Variants in TOX2 observed in about 807,000 individuals in gnomAD.
The protein encoded by TOX2 is granulosa cell HMG box 1.
TOX2 carries 15 observed loss-of-function variants against 47.4 expected under a neutral mutation model. The observed-to-expected ratio is 0.32, with a 90% CI of 0.21 to 0.49. TOX2 has a LOEUF of 0.49. TOX2 is among the 20% of genes least tolerant of loss of function. The probability of loss-of-function intolerance (pLI) is 0.99; values close to 1 mark genes in which losing one functional copy is unlikely to be tolerated. For missense variants in TOX2, 622 were observed against 673.1 expected (o/e 0.92, Z 0.84); for synonymous variants, 290 against 296.6 (o/e 0.98, Z 0.23).
intron 3 of TOX2, among the ~76,000 whole-genome samples, chr20:44,013,595 A>G (rs923291500): frequency 2.0e-5 from 3 of 152,236 alleles, no homozygotes; most frequent in Admixed American, 6.5e-5. Context: ...TTTGCTGTGT[A>G]ACAAACTACC....
intron 2 of TOX2, among the ~76,000 whole-genome samples, chr20:43,974,955 C>A (rs764599346): frequency 6.6e-6 from 1 of 152,280 alleles, no homozygotes; most frequent in Admixed American, 6.5e-5. Context: ...CGCCAACATG[C>A]AAGACTGGTG....
At chr20:44,000,593 G>A (rs762194093) in intron 2 of TOX2, among the ~76,000 whole-genome samples, 3 of 152,154 alleles carry the variant, frequency 2.0e-5, no homozygotes, top group Non-Finnish European at 4.4e-5. Flanking sequence ...GTCTGGCTCG[G>A]TGGTAAGAAC....
intron 2 of TOX2, among the ~76,000 whole-genome samples, chr20:43,985,557 T>C (rs1055743917): frequency 1.3e-5 from 2 of 152,248 alleles, no homozygotes; most frequent in Non-Finnish European, 2.9e-5. Context: ...GATGCAGAAG[T>C]AAATTAAGTG....
chr20:44,018,689 A>G (rs6031296), intron 3 of TOX2, among the ~76,000 whole-genome samples: 27 of 152,338 alleles, frequency 1.8e-4, no homozygotes, highest in African/African-American at 6.3e-4. Context: ...GAGCCTTTAT[A>G]AAAGGCAGCA....
At chr20:44,013,794 C>T (rs2070824493) in intron 3 of TOX2, among the ~76,000 whole-genome samples, 1 of 152,070 alleles carries the variant, frequency 6.6e-6, no homozygotes, top group South Asian at 2.1e-4. Context: ...CAGCTGACAC[C>T]AAAGGGGAAT....
chr20:44,004,579 C>A (rs1436986063), intron 2 of TOX2, among the ~76,000 whole-genome samples: 1 of 152,188 alleles, frequency 6.6e-6, no homozygotes, highest in Admixed American at 6.5e-5. Flanking sequence ...AGGCACTTAC[C>A]CTCTCAGTCT....
chr20:44,062,408 GAATA>G (rs964797155), intron 5 of TOX2, among the ~76,000 whole-genome samples: 1 of 84,760 alleles, frequency 1.2e-5, no homozygotes, highest in Non-Finnish European at 2.7e-5. Context: ...ATAAATAAAT[GAATA>G]AATAAAATAC....
intron 3 of TOX2, among the ~76,000 whole-genome samples, chr20:44,010,533 G>A (rs571676318): frequency 6.6e-6 from 1 of 152,344 alleles, no homozygotes; most frequent in African/African-American, 2.4e-5. Context: ...CATGCATTGG[G>A]ACTATCTGGT....
At chr20:43,942,861 C>T (rs1034929625) in intron 1 of TOX2, among the ~76,000 whole-genome samples, 15 of 152,150 alleles carry the variant, frequency 9.9e-5, no homozygotes, top group African/African-American at 3.4e-4. Flanking sequence ...GTAACCATCA[C>T]GTTGCCTCAG....
At chr20:44,045,617 A>G (rs1161732923) in intron 3 of TOX2, among the ~76,000 whole-genome samples, 1 of 152,240 alleles carries the variant, frequency 6.6e-6, no homozygotes, top group Non-Finnish European at 1.5e-5. Context: ...TGTTTTACAT[A>G]CTAGTCTACA....
intron 8 of TOX2, among the ~76,000 whole-genome samples, chr20:44,067,663 C>T (rs1015807685): frequency 1.3e-5 from 2 of 152,236 alleles, no homozygotes; most frequent in Admixed American, 6.5e-5. Flanking sequence ...CCTTTCAAAC[C>T]CATGCTAACA....
chr20:44,010,270 A>G (rs2070757666), intron 3 of TOX2, among the ~76,000 whole-genome samples: 1 of 152,140 alleles, frequency 6.6e-6, no homozygotes, highest in South Asian at 2.1e-4. Context: ...ATGGCCCCCT[A>G]ATTGCCCCTC....
intron 3 of TOX2, among the ~76,000 whole-genome samples, chr20:44,029,007 C>T (rs1297564868): frequency 6.6e-6 from 1 of 152,178 alleles, no homozygotes; most frequent in African/African-American, 2.4e-5. Flanking sequence ...CAGTGACTGC[C>T]AGACCAAGTC....
chr20:43,988,010 C>T (rs1435482674), intron 2 of TOX2, among the ~76,000 whole-genome samples: 1 of 149,088 alleles, frequency 6.7e-6, no homozygotes, highest in Non-Finnish European at 1.5e-5. Flanking sequence ...ACCTCCACCT[C>T]CCCGGTTCAA....
intron 1 of TOX2, among the ~76,000 whole-genome samples, chr20:43,956,804 C>A (rs1569033129): frequency 6.6e-6 from 1 of 152,130 alleles, no homozygotes; most frequent in Admixed American, 6.5e-5. Context: ...ATTTTATGTG[C>A]ATTTCCCCAC....
intron 5 of TOX2, among the ~76,000 whole-genome samples, chr20:44,060,281 AAGAT>A (rs1282143632): frequency 6.6e-6 from 1 of 152,146 alleles, no homozygotes; most frequent in Non-Finnish European, 1.5e-5. Flanking sequence ...AGAAATGAGA[AAGAT>A]AGACAGTAAA....
At chr20:44,006,492 T>C (rs1005349756) in intron 2 of TOX2, 55 bp from the exon 3 acceptor site, 1 of 1,553,928 alleles carries the variant, frequency 6.4e-7, no homozygotes, top group Non-Finnish European at 8.7e-7. Context: ...CTGTTGGGTA[T>C]GTTCTGCGGT....
At chr20:43,964,031 A>T (rs1212313795) in intron 1 of TOX2, among the ~76,000 whole-genome samples, 1 of 152,116 alleles carries the variant, frequency 6.6e-6, no homozygotes, top group Non-Finnish European at 1.5e-5. Context: ...CCGTATATTT[A>T]TTTAATCCAA....
chr20:43,967,737 A>T (rs778139531), intron 1 of TOX2, among the ~76,000 whole-genome samples: 2 of 152,154 alleles, frequency 1.3e-5, no homozygotes, highest in Non-Finnish European at 2.9e-5. Flanking sequence ...TATTGATTAC[A>T]TGTTGAAATC....
Sources: gnomAD v4.1 joint callset for allele counts (sites outside exome capture counted in the v4.1 genomes callset) on GRCh38, gnomAD v4.1.1 for gene constraint, MANE v1.5 for transcripts, NCBI Gene and HGNC (gene_info 2026-07-23, HGNC 2026-07-21) for gene names.